Variants in SYNJ2 observed in about 807,000 individuals in gnomAD.
The protein encoded by SYNJ2 is synaptojanin 2.
Under a neutral mutation model 141.3 loss-of-function variants are expected in SYNJ2, and 116 were observed. The ratio of observed to expected loss-of-function variants is 0.82; its 90% CI spans 0.71 to 0.96. The LOEUF is 0.96. Among genes scored for constraint, SYNJ2 ranks in the 40% least tolerant of loss-of-function variants. SYNJ2 has a pLI of 0.00. For synonymous variants in SYNJ2, 745 were observed against 777.7 expected (o/e 0.96, Z 0.70); for missense variants, 1,873 against 1,934.8 (o/e 0.97, Z 0.60).
At chr6:158,087,462 T>A (rs1175876132) in intron 23 of SYNJ2, among the ~76,000 whole-genome samples, 3 of 152,226 alleles carry the variant, frequency 2.0e-5, no homozygotes, top group African/African-American at 7.2e-5. Context: ...TTCCCCCTTA[T>A]CCTGGGTCTA....
At chr6:158,083,973 C>T (rs779251009) in intron 21 of SYNJ2, 28 bp from the exon 22 acceptor site, 9 of 1,612,618 alleles carry the variant, frequency 5.6e-6, no homozygotes, top group African/African-American at 1.3e-5. Context: ...TGTTTTCACC[C>T]GAATTGTGAT....
rs1383618855 is a variant in SYNJ2 at position 158,081,218 on chromosome 6, G to A, written c.2677G>A (p.Val893Ile). 1.9e-6 allele frequency: 3 copies of A among 1,614,152 alleles called. No homozygotes were observed. The highest frequency in any genetic ancestry group is 1.7e-5 in the Admixed American group (1 of 60,016). The change falls in exon 19 of 27, where the codon GTA becomes ATA. Residue 893 changes from valine to isoleucine, a missense_variant. Val to Ile is a conservative substitution (Grantham distance 29, BLOSUM62 3). Transcript: ENST00000355585. The part of the protein sequence containing the change: ...SFQGPLDATV[V>I]VNLQSPTLEE... ...CCAGGGCCCCCTGGATGCCACTGTTGTAGTAAACCTTCAATCACCGACCTT... is the reference window on the plus strand; with the variant it reads ...CCAGGGCCCCCTGGATGCCACTGTTATAGTAAACCTTCAATCACCGACCTT...
intron 15 of SYNJ2, 105 bp from the exon 16 acceptor site, chr6:158,074,475 T>C (rs1267512364): frequency 5.4e-6 from 7 of 1,293,248 alleles, no homozygotes; most frequent in Non-Finnish European, 7.5e-6. Flanking sequence ...CTAAGTAGCA[T>C]TTTGAGAAAA....
chr6:158,020,571 G>A (rs1330779408), intron 2 of SYNJ2, among the ~76,000 whole-genome samples: 1 of 151,690 alleles, frequency 6.6e-6, no homozygotes, highest in Non-Finnish European at 1.5e-5. Flanking sequence ...CCAACTATAT[G>A]ACTGACTTCA....
intron 3 of SYNJ2, chr6:158,029,244 T>C (rs1779230367): frequency 3.6e-6 from 2 of 556,534 alleles, no homozygotes; most frequent in East Asian, 3.2e-5. Context: ...ATGTGTTCAG[T>C]GTAGATTTGG....
chr6:158,094,336 G>T (rs1291480324), intron 26 of SYNJ2, among the ~76,000 whole-genome samples: 1 of 134,222 alleles, frequency 7.5e-6, no homozygotes, highest in Non-Finnish European at 1.5e-5. Flanking sequence ...CCTAGCAAAC[G>T]TCATGGTCTC....
chr6:158,077,370 C>G (rs185244286), intron 17 of SYNJ2, among the ~76,000 whole-genome samples: 10 of 152,254 alleles, frequency 6.6e-5, no homozygotes, highest in East Asian at 3.9e-4. Context: ...AGCTCCCCCC[C>G]ACACCCCCAC....
intron 5 of SYNJ2, among the ~76,000 whole-genome samples, chr6:158,044,851 G>C (rs1345607375): frequency 6.6e-6 from 1 of 152,068 alleles, no homozygotes; most frequent in Non-Finnish European, 1.5e-5. Flanking sequence ...AAGAGTTTTT[G>C]AAACCTGATT....
At chr6:158,074,226 G>A (rs942597884) in intron 15 of SYNJ2, among the ~76,000 whole-genome samples, 1 of 152,200 alleles carries the variant, frequency 6.6e-6, no homozygotes, top group Non-Finnish European at 1.5e-5. Flanking sequence ...AACGCTGAAT[G>A]CTGGGTGCTG....
chr6:158,000,189 G>A (rs868210185), intron 1 of SYNJ2, among the ~76,000 whole-genome samples: 11 of 146,440 alleles, frequency 7.5e-5, no homozygotes, highest in Non-Finnish European at 1.0e-4. Context: ...GGTAACTAGC[G>A]TCACTTGAGA....
chr6:158,064,047 G>C (rs1197596029), intron 9 of SYNJ2, among the ~76,000 whole-genome samples, 175 bp downstream of exon 9: 1 of 152,214 alleles, frequency 6.6e-6, no homozygotes, highest in Non-Finnish European at 1.5e-5. Context: ...GGGTTCCCCA[G>C]GAGGCTGCTT....
At chr6:158,029,906 A>C (rs1779274973) in intron 3 of SYNJ2, among the ~76,000 whole-genome samples, 1 of 152,154 alleles carries the variant, frequency 6.6e-6, no homozygotes, top group African/African-American at 2.4e-5. Context: ...CAAACTCCAC[A>C]CACTTACTAA....
At position 158,070,394 on chromosome 6, in the gene SYNJ2, A is replaced by T. The variant is rs1781845898; in HGVS notation, c.1940+721A>T. ...TACACCCCTGCAGCACCTGGAGACT[A>T]AGACTATGCTGCCCATAATCCTCTT... On this transcript the variant is annotated intron_variant, in intron 14 of 26. Transcript: ENST00000355585. This position sits in a 1 kb window ranked among gnomAD's most constrained non-coding sequence, Gnocchi z 4.0. The T allele has an allele frequency of 1.0e-5, 10 of 985,474 alleles. No individual in the cohort carries two copies. The highest frequency in any genetic ancestry group is 9.6e-6 in the Non-Finnish European group (8 of 829,994). The allele number at this position is 985,474 out of a possible 1,614,324, so 61.0% of individuals were successfully genotyped here. A position where few individuals can be genotyped will look rare whatever the true frequency, so the allele number is the denominator to read the frequency against.
intron 1 of SYNJ2, among the ~76,000 whole-genome samples, chr6:158,004,199 C>A (rs9356212): frequency 0.43 from 65,579 of 151,804 alleles, 14,311 homozygotes; most frequent in African/African-American, 0.49. Flanking sequence ...GGGGCTGGGT[C>A]AAATGGATCT....
intron 20 of SYNJ2, 96 bp from the exon 21 acceptor site, chr6:158,083,333 G>A (rs1744175): frequency 0.62 from 888,881 of 1,434,672 alleles, 279,871 homozygotes; most frequent in African/African-American, 0.84. Flanking sequence ...GATTGGCCTC[G>A]TTGAGGGTGT....
At position 158,021,339 on chromosome 6, in the gene SYNJ2, C is replaced by T. The variant is rs529676645; in HGVS notation, c.214+4049C>T. On this transcript the variant is annotated intron_variant, in intron 2 of 26. Coordinates refer to ENST00000355585, the MANE Select transcript of SYNJ2 (RefSeq NM_003898.4). ...ATTTAATCTCTGTAGGACTGTTTTCCTGTCTGTAAACCTGGGAAAACTGCC... is the reference window on the plus strand; with the variant it reads ...ATTTAATCTCTGTAGGACTGTTTTCTTGTCTGTAAACCTGGGAAAACTGCC... 4.6e-5 allele frequency among the ~76,000 whole-genome samples: 7 copies of T among 152,288 alleles called. No individual in the cohort carries two copies. In the East Asian group the frequency reaches 7.7e-4, roughly 17 times the overall value.
At chr6:158,032,607 C>T (rs1779426142) in intron 3 of SYNJ2, among the ~76,000 whole-genome samples, 2 of 152,212 alleles carry the variant, frequency 1.3e-5, no homozygotes, top group Non-Finnish European at 2.9e-5. Context: ...GCGCGGGCTC[C>T]AAGCTCCATG....
Position 158,084,114 on chromosome 6 carries a change from C to T in SYNJ2, c.3148C>T (p.Leu1050=). ...DLSDVPGPTA[L]APPSKSPALT... ...CTCTGATGTCCCCGGCCCCACAGCA[C>T]TGGCTCCTCCCAGCAAGTCACCTGC... is the stretch of plus-strand genomic sequence containing the variant. The change falls in exon 22 of 27, where the codon CTG becomes TTG. Residue 1050 remains leucine, a synonymous_variant. Coordinates refer to ENST00000355585, the MANE Select transcript of SYNJ2 (RefSeq NM_003898.4). The surrounding 1 kb of genome is among the most constrained non-coding windows in gnomAD (Gnocchi z 5.0). 1.2e-6 allele frequency: 2 copies of T among 1,614,174 alleles called. No individual in the cohort carries two copies.
At chr6:157,995,364 AAAAC>A (rs1347746476) in intron 1 of SYNJ2, among the ~76,000 whole-genome samples, 6 of 152,190 alleles carry the variant, frequency 3.9e-5, no homozygotes, top group South Asian at 2.1e-4. Flanking sequence ...CCTATTAAAA[AAAAC>A]AAACAGTGTG....
Sources: allele counts gnomAD v4.1 joint callset (sites outside exome capture counted in the v4.1 genomes callset), GRCh38; gene constraint gnomAD v4.1.1; non-coding constraint Gnocchi (gnomAD v3.1); transcripts MANE v1.5; gene names NCBI Gene and HGNC (gene_info 2026-07-23, HGNC 2026-07-21).